Variants in ISL1 observed in about 807,000 individuals in gnomAD.
The protein encoded by ISL1 is ISL LIM homeobox 1.
In ISL1, 4 loss-of-function variants were observed where a neutral mutation model predicts 35.3. The ratio of observed to expected loss-of-function variants is 0.11; its 90% confidence interval spans 0.06 to 0.26. The LOEUF (loss-of-function observed/expected upper bound fraction) is 0.26. Ranked by LOEUF, ISL1 falls within the 10% of genes least tolerant of loss-of-function variation. The pLI is 1.00. For missense variants in ISL1, 340 were observed against 472.8 expected (o/e 0.72, Z 2.60); for synonymous variants, 186 against 172.3 (o/e 1.08, Z -0.62).
In ISL1 at chr5:51,387,232, C is replaced by A. The variant is rs934013895; in HGVS notation, c.219-258C>A. On this transcript the variant is annotated intron_variant, in intron 2 of 5. Transcript: ENST00000230658. This position sits in a 1 kb window ranked among gnomAD's most constrained non-coding sequence, Gnocchi z 4.3. ...GTTACCAACTAAGACAGAGGTTCATCGGAAAGGAAACGGGAGTAAAAGAAA... is the reference window on the plus strand; with the variant it reads ...GTTACCAACTAAGACAGAGGTTCATAGGAAAGGAAACGGGAGTAAAAGAAA... Among the ~76,000 whole-genome samples, 6 of 150,632 alleles carry A rather than the reference C, an allele frequency of 4.0e-5. No individual in the cohort carries two copies. The highest frequency in any genetic ancestry group is 6.6e-5 in the Admixed American group (1 of 15,158).
At chr5:51,390,688 T>G (rs1268258964) in intron 4 of ISL1, among the ~76,000 whole-genome samples, 21 of 137,952 alleles carry the variant, frequency 1.5e-4, no homozygotes, top group Non-Finnish European at 2.9e-4. Flanking sequence ...TTTACTGCTT[T>G]GGACCTATTT....
At chr5:51,392,288 T>C (rs1241511429) in intron 5 of ISL1, among the ~76,000 whole-genome samples, 1 of 152,222 alleles carries the variant, frequency 6.6e-6, no homozygotes, top group Non-Finnish European at 1.5e-5. Flanking sequence ...CTTTGTAATA[T>C]GCTATATTTA....
In ISL1 at chr5:51,389,768, G is replaced by A; in HGVS notation, c.601G>A (p.Ala201Thr). ...GCTGCACACCTTGCGGACCTGCTAC[G>A]CCGCAAACCCGCGGCCAGATGCGCT... ...KQLHTLRTCY[A>T]ANPRPDALMK... Residue 201 changes from alanine (A) to threonine (T), a missense_variant, in exon 4 of 6, where the codon GCC becomes ACC. Ala to Thr is a moderately conservative substitution (Grantham distance 58). Coordinates refer to ENST00000230658, the MANE Select transcript of ISL1 (RefSeq NM_002202.3). This position sits in a 1 kb window ranked among gnomAD's most constrained non-coding sequence, Gnocchi z 5.0. 6.2e-7 allele frequency: 1 copy of A among 1,614,212 alleles called. No individual in the cohort carries two copies. The highest frequency in any genetic ancestry group is 8.5e-7 in the Non-Finnish European group (1 of 1,180,034).
At chr5:51,390,817 G>C (rs1413543968) in intron 4 of ISL1, among the ~76,000 whole-genome samples, 6 of 151,574 alleles carry the variant, frequency 4.0e-5, no homozygotes, top group East Asian at 3.9e-4. Context: ...AAATGCTTTG[G>C]GGGGATGGAG....
chr5:51,387,465 C>T lies in ISL1; in HGVS notation c.219-25C>T, dbSNP rs757093511. On this transcript the variant is annotated intron_variant, in intron 2 of 5. Coordinates refer to ENST00000230658, the MANE Select transcript of ISL1 (RefSeq NM_002202.3). The surrounding 1 kb of genome is among the most constrained non-coding windows in gnomAD (Gnocchi z 4.3). ...TACTTCTCTCCCCGCTCTGGGCCGC[C>T]TCCGCTCCCCCCTCCCCCGCACAGG... The T allele has an allele frequency of 1.9e-6, 3 of 1,613,244 alleles. No homozygotes were observed. In the South Asian group the frequency reaches 3.3e-5, roughly 18 times the overall value.
chr5:51,387,780 C>A lies in ISL1; in HGVS notation c.478+31C>A, dbSNP rs1475756104. ...CCTCTGCCCGGCTCGGGTAGGCAGG[C>A]GCCAGGTTAAGCCAGCCTGTGTGCC... On this transcript the variant is annotated intron_variant, in intron 3 of 5. Coordinates refer to ENST00000230658, the MANE Select transcript of ISL1 (RefSeq NM_002202.3). The surrounding 1 kb of genome is among the most constrained non-coding windows in gnomAD (Gnocchi z 4.3). 70 of 1,611,504 alleles carry A rather than the reference C, an allele frequency of 4.3e-5. No homozygotes were observed. The highest frequency in any genetic ancestry group is 4.8e-5 in the Non-Finnish European group (57 of 1,179,454).
At chr5:51,386,944 C>T (rs558689862) in intron 2 of ISL1, among the ~76,000 whole-genome samples, 1 of 152,018 alleles carries the variant, frequency 6.6e-6, no homozygotes, top group African/African-American at 2.4e-5. Context: ...GTTTGCAAAC[C>T]GAGTGGGGTG....
intron 4 of ISL1, 141 bp downstream of exon 4, chr5:51,390,073 C>A (rs370782618): frequency 1.6e-5 from 16 of 1,006,070 alleles, no homozygotes; most frequent in Non-Finnish European, 1.7e-5. Flanking sequence ...CTCATCCTTA[C>A]CCCCCTACCC....
intron 2 of ISL1, chr5:51,386,167 C>T (rs1747336917): frequency 6.5e-6 from 1 of 153,664 alleles, no homozygotes; most frequent in African/African-American, 2.4e-5. Context: ...CACCTTCTAA[C>T]CTCTGACAAA....
At chr5:51,391,648 A>G (rs1341010664) in intron 5 of ISL1, among the ~76,000 whole-genome samples, 4 of 151,958 alleles carry the variant, frequency 2.6e-5, no homozygotes, top group Non-Finnish European at 2.9e-5. Context: ...GAGACTGCAT[A>G]ATTTGACCAT....
At position 51,388,932 on chromosome 5, in the gene ISL1, T is replaced by G. The variant is rs530336737; in HGVS notation, c.479-714T>G. Among the ~76,000 whole-genome samples the G allele has an allele frequency of 3.9e-5, 6 of 152,274 alleles. No homozygotes were observed. The South Asian group carries it at 1.0e-3, about 26-fold the overall frequency. On this transcript the variant is annotated intron_variant, in intron 3 of 5. Transcript: ENST00000230658. Reference sequence around the variant, plus strand: ...GCTCAACAGAGTTTCCGTTTTCCACTGCTTGGGATCAGCCCATCTCAGGAA... The same window carrying G: ...GCTCAACAGAGTTTCCGTTTTCCACGGCTTGGGATCAGCCCATCTCAGGAA...
At position 51,387,925 on chromosome 5, in the gene ISL1, C is replaced by T. The variant is rs2111843718; in HGVS notation, c.478+176C>T. Among the ~76,000 whole-genome samples the T allele has an allele frequency of 6.6e-6, 1 of 152,390 alleles. No individual in the cohort carries two copies. The highest frequency in any genetic ancestry group is 2.1e-4 in the South Asian group (1 of 4,832). On this transcript the variant is annotated intron_variant, in intron 3 of 5. Transcript: ENST00000230658. The surrounding 1 kb of genome is among the most constrained non-coding windows in gnomAD (Gnocchi z 4.3). ...CTCCTTTGCAGCAAGGTTCAATGCA[C>T]TCACTGTCTCCCTTGATTCCCCGAG...
At position 51,383,638 on chromosome 5, in the gene ISL1, C is replaced by T; in HGVS notation, c.-34C>T. The T allele has an allele frequency of 6.4e-7, 1 of 1,573,444 alleles. No homozygotes were observed. Among genetic ancestry groups the T allele is most frequent in the Non-Finnish European group, 8.8e-7 (1 of 1,142,830 alleles). Reference sequence around the variant, plus strand: ...GGCTGTTCACCAACTGTACAACCACCATTTCACTGTGGACATTACTCCCTC... The same window carrying T: ...GGCTGTTCACCAACTGTACAACCACTATTTCACTGTGGACATTACTCCCTC... On this transcript the variant is annotated 5_prime_UTR_variant, in exon 1 of 6. Coordinates refer to ENST00000230658, the MANE Select transcript of ISL1 (RefSeq NM_002202.3).
In ISL1 at chr5:51,391,461, T is replaced by A. The variant is rs749635255; in HGVS notation, c.933+20T>A. 3 of 1,613,698 alleles carry A rather than the reference T, an allele frequency of 1.9e-6. No homozygotes were observed. The highest frequency in any genetic ancestry group is 2.5e-6 in the Non-Finnish European group (3 of 1,179,716). ...CAACTGGTAAGTGTCAGCTCCCAGATGGAAGAGGCTGAATTCCCAACAGGA... is the reference window on the plus strand; with the variant it reads ...CAACTGGTAAGTGTCAGCTCCCAGAAGGAAGAGGCTGAATTCCCAACAGGA... On this transcript the variant is annotated intron_variant, in intron 5 of 5. Transcript: ENST00000230658.
At chr5:51,390,658 T>G (rs1323998828) in intron 4 of ISL1, among the ~76,000 whole-genome samples, 2 of 125,840 alleles carry the variant, frequency 1.6e-5, no homozygotes, top group African/African-American at 5.7e-5. Flanking sequence ...TTTTTTTTTT[T>G]TTTTTTTTTT....
At chr5:51,386,798 G>A (rs183471934) in intron 2 of ISL1, among the ~76,000 whole-genome samples, 1 of 152,294 alleles carries the variant, frequency 6.6e-6, no homozygotes, top group East Asian at 1.9e-4. Flanking sequence ...AGGAAGAATG[G>A]AGAGGAAATT....
rs562605628 is a variant in ISL1 at position 51,386,771 on chromosome 5, A to T, written c.219-719A>T. ...TGAGGGAACAGACGCAGATTTTTTTAAAAAAATAATAATACAAGGAAGAAT... is the reference window on the plus strand; with the variant it reads ...TGAGGGAACAGACGCAGATTTTTTTTAAAAAATAATAATACAAGGAAGAAT... On this transcript the variant is annotated intron_variant, in intron 2 of 5. Coordinates refer to ENST00000230658, the MANE Select transcript of ISL1 (RefSeq NM_002202.3). 1.1e-3 allele frequency: 424 copies of T among 372,086 alleles called. 2 individuals carry two copies. The highest frequency in any genetic ancestry group is 6.6e-3 in the East Asian group (89 of 13,572). 23.0% of individuals were successfully genotyped at this position (372,086 alleles called of 1,614,324 possible). A position where few individuals can be genotyped will look rare whatever the true frequency, so the allele number is the denominator to read the frequency against.
In ISL1 at chr5:51,389,548, G is replaced by A; in HGVS notation, c.479-98G>A. The A allele has an allele frequency of 1.8e-6, 2 of 1,131,690 alleles. No homozygotes were observed. Among genetic ancestry groups the A allele is most frequent in the Non-Finnish European group, 1.2e-6 (1 of 864,984 alleles). 70.1% of individuals were successfully genotyped at this position (1,131,690 alleles called of 1,614,324 possible). Reference sequence around the variant, plus strand: ...GGGCGGGCGAGCAAGTAAGCGGGCGGGCGGGCGGGCAAGCGAGCGAGCGAG... The same window carrying A: ...GGGCGGGCGAGCAAGTAAGCGGGCGAGCGGGCGGGCAAGCGAGCGAGCGAG... On this transcript the variant is annotated intron_variant, in intron 3 of 5. Coordinates refer to ENST00000230658, the MANE Select transcript of ISL1 (RefSeq NM_002202.3). This position sits in a 1 kb window ranked among gnomAD's most constrained non-coding sequence, Gnocchi z 5.0.
chr5:51,385,927 C>G (rs1202322749), intron 2 of ISL1, among the ~76,000 whole-genome samples: 1 of 151,692 alleles, frequency 6.6e-6, no homozygotes, highest in Non-Finnish European at 1.5e-5. Flanking sequence ...GCATTTTTTT[C>G]TTCTTTTTTA....
Sources: gnomAD v4.1 joint callset for allele counts (sites outside exome capture counted in the v4.1 genomes callset) on GRCh38, gnomAD v4.1.1 for gene constraint, Gnocchi (gnomAD v3.1) non-coding constraint, MANE v1.5 for transcripts, NCBI Gene and HGNC (gene_info 2026-07-23, HGNC 2026-07-21) for gene names.